BNIP3L: variants seen among roughly 807,000 people sequenced by gnomAD.
BNIP3L encodes BCL2 interacting protein 3 like.
A neutral mutation model predicts 25.5 loss-of-function variants in BNIP3L; 10 were observed. That is an observed-to-expected ratio of 0.39 (90% CI 0.24 to 0.67). The LOEUF is 0.67. BNIP3L is among the 30% of genes least tolerant of loss of function. The pLI is 0.45. For missense variants in BNIP3L, 215 were observed against 270.9 expected, an observed-to-expected ratio of 0.79 and a Z score of 1.45; for synonymous variants, 113 against 101.2, an observed-to-expected ratio of 1.12 and a Z score of -0.70.
chr8:26,406,378 A>G (rs1421375803), intron 3 of BNIP3L, among the ~76,000 whole-genome samples: 1 of 152,246 alleles, frequency 6.6e-6, no homozygotes, highest in Non-Finnish European at 1.5e-5. Flanking sequence ...GGGCCTCTCT[A>G]TACAGTATTC....
At chr8:26,398,491 T>C (rs1455366231) in intron 3 of BNIP3L, among the ~76,000 whole-genome samples, 1 of 116,598 alleles carries the variant, frequency 8.6e-6, no homozygotes, top group African/African-American at 3.4e-5. Context: ...GAGGGAAATT[T>C]ATAGCACTAA....
intron 1 of BNIP3L, among the ~76,000 whole-genome samples, chr8:26,390,751 G>T (rs956812804): frequency 5.3e-5 from 8 of 152,150 alleles, no homozygotes; most frequent in African/African-American, 1.9e-4. Context: ...GCACTAAGTA[G>T]GATATAGTTG....
chr8:26,391,823 T>G (rs1247207528), intron 2 of BNIP3L, among the ~76,000 whole-genome samples: 2 of 152,238 alleles, frequency 1.3e-5, no homozygotes, highest in Non-Finnish European at 2.9e-5. Context: ...CTTCTAGATG[T>G]TGACGTTGCA....
chr8:26,385,998 C>G (rs901693309), intron 1 of BNIP3L, among the ~76,000 whole-genome samples: 1 of 152,124 alleles, frequency 6.6e-6, no homozygotes, highest in Non-Finnish European at 1.5e-5. Flanking sequence ...GCATCTAGTA[C>G]TATCCAAATT....
intron 1 of BNIP3L, among the ~76,000 whole-genome samples, chr8:26,384,727 A>ATTTT (rs10598657): frequency 1.4e-4 from 14 of 97,138 alleles, no homozygotes; most frequent in South Asian, 3.6e-4. Flanking sequence ...TTTTGAGGAC[A>ATTTT]TTTTTTTTTT....
In BNIP3L at chr8:26,410,952, C is replaced by CA. The variant is rs549179021; in HGVS notation, c.*547dup. The stretch of plus-strand genomic sequence containing the variant: ...AACAAAAAAAAAAGGCAAGGCACAA[C>CA]AAAAAAATATCCTGGGCAATAAAAA... On this transcript the variant is annotated 3_prime_UTR_variant, in exon 6 of 6. Coordinates refer to ENST00000380629, the MANE Select transcript of BNIP3L (RefSeq NM_004331.3). 7 of 150,050 alleles carry CA rather than the reference C, an allele frequency of 4.7e-5. No individual in the cohort carries two copies. Among genetic ancestry groups the CA allele is most frequent in the African/African-American group, 1.7e-4 (7 of 40,926 alleles). 9.3% of individuals were successfully genotyped at this position (150,050 alleles called of 1,614,324 possible). A position where few individuals can be genotyped will look rare whatever the true frequency, so the allele number is the denominator to read the frequency against.
chr8:26,407,695 A>G (rs746171673), intron 3 of BNIP3L, among the ~76,000 whole-genome samples: 9 of 152,220 alleles, frequency 5.9e-5, no homozygotes, highest in Non-Finnish European at 1.5e-5. Flanking sequence ...AGTATTGCCC[A>G]GATTTAACTC....
At chr8:26,402,983 A>G (rs893708109) in intron 3 of BNIP3L, among the ~76,000 whole-genome samples, 1 of 152,214 alleles carries the variant, frequency 6.6e-6, no homozygotes, top group African/African-American at 2.4e-5. Flanking sequence ...AGTTGAATGC[A>G]TCTACCCTGG....
At chr8:26,390,584 A>G in intron 1 of BNIP3L, 2 of 968,142 alleles carry the variant, frequency 2.1e-6, no homozygotes, top group Non-Finnish European at 2.5e-6. Flanking sequence ...TGAAGAAACT[A>G]ATCAGTGAGA....
intron 1 of BNIP3L, among the ~76,000 whole-genome samples, chr8:26,388,679 G>A (rs4872432): frequency 0.096 from 14,628 of 152,154 alleles, 778 homozygotes; most frequent in Non-Finnish European, 0.11. Context: ...CTTCAAAAAA[G>A]TAAAAACCAG....
chr8:26,398,638 GGAAATAGA>G (rs1190115323), intron 3 of BNIP3L, among the ~76,000 whole-genome samples: 4 of 130,584 alleles, frequency 3.1e-5, no homozygotes, highest in Non-Finnish European at 6.5e-5. Context: ...CAGAACTGAA[GGAAATAGA>G]GACACAAAAA....
intron 1 of BNIP3L, among the ~76,000 whole-genome samples, chr8:26,385,308 TG>T (rs144339909): frequency 0.096 from 14,631 of 152,116 alleles, 771 homozygotes; most frequent in Non-Finnish European, 0.11. Context: ...CAAAAAGGGC[TG>T]AGCCAGGCAG....
chr8:26,407,278 T>A (rs1420805192), intron 3 of BNIP3L, among the ~76,000 whole-genome samples: 1 of 151,564 alleles, frequency 6.6e-6, no homozygotes, highest in South Asian at 2.1e-4. Flanking sequence ...CTCCGCCTCC[T>A]GGGTTCACGC....
Position 26,410,370 on chromosome 8 carries a change from T to C in BNIP3L, c.618T>C (p.Tyr206=), listed in dbSNP as rs1806595089. Residue 206 remains tyrosine (Y), a synonymous_variant, in exon 6 of 6, where the codon TAT becomes TAC. Coordinates refer to ENST00000380629, the MANE Select transcript of BNIP3L (RefSeq NM_004331.3). The part of the protein sequence containing the change: ...SHVLALGLGI[Y]IGKRLSTPSA... Reference sequence around the variant, plus strand: ...TGCTTCTGCTTCCTTTCAGCATCTATATTGGAAAGCGACTGAGCACACCCT... The same window carrying C: ...TGCTTCTGCTTCCTTTCAGCATCTACATTGGAAAGCGACTGAGCACACCCT... 2.5e-6 allele frequency: 4 copies of C among 1,614,086 alleles called. No homozygotes were observed. The East Asian group carries it at 6.7e-5, about 27-fold the overall frequency.
At position 26,409,118 on chromosome 8, in the gene BNIP3L, G is replaced by T. The variant is rs954611185; in HGVS notation, c.611+742G>T. 2.0e-5 allele frequency among the ~76,000 whole-genome samples: 3 copies of T among 151,900 alleles called. No homozygotes were observed. The East Asian group carries it at 5.8e-4, about 29-fold the overall frequency. ...TTTAATGAAACTGGTAGGTTGATTG[G>T]TGCTAATTTTTTCCTTTTTTAACTT... On this transcript the variant is annotated intron_variant, in intron 5 of 5. Coordinates refer to ENST00000380629, the MANE Select transcript of BNIP3L (RefSeq NM_004331.3).
intron 2 of BNIP3L, among the ~76,000 whole-genome samples, chr8:26,393,357 C>A (rs1806156094): frequency 1.4e-5 from 2 of 147,514 alleles, no homozygotes; most frequent in Non-Finnish European, 3.0e-5. Flanking sequence ...TTCTGCTTTG[C>A]CTTTCACCCT....
intron 3 of BNIP3L, among the ~76,000 whole-genome samples, chr8:26,400,067 T>C (rs2117483789): frequency 6.7e-6 from 1 of 150,100 alleles, no homozygotes; most frequent in South Asian, 2.1e-4. Context: ...AAAACTACTT[T>C]AAAGTTCATA....
At chr8:26,390,274 A>G in intron 1 of BNIP3L, 1 of 883,470 alleles carries the variant, frequency 1.1e-6, no homozygotes, top group Non-Finnish European at 1.4e-6. Context: ...TTAAAATTAA[A>G]GCACCTTAAT....
intron 1 of BNIP3L, among the ~76,000 whole-genome samples, chr8:26,385,263 A>T (rs1805968008): frequency 6.6e-6 from 1 of 151,944 alleles, no homozygotes; most frequent in East Asian, 1.9e-4. Flanking sequence ...AAGCAAAGGG[A>T]TTTTCATCTT....
Sources: gnomAD v4.1 joint callset for allele counts (sites outside exome capture counted in the v4.1 genomes callset) on GRCh38, gnomAD v4.1.1 for gene constraint, MANE v1.5 for transcripts, NCBI Gene and HGNC (gene_info 2026-07-23, HGNC 2026-07-21) for gene names.